CTNNA2: variants seen among roughly 807,000 people sequenced by gnomAD.
CTNNA2 encodes the protein catenin alpha-2.
Under a neutral mutation model 101.0 loss-of-function variants are expected in CTNNA2, and 42 were observed. The observed-to-expected ratio is 0.42, with a 90% CI of 0.32 to 0.54. CTNNA2 has a LOEUF of 0.54. Among genes scored for constraint, CTNNA2 ranks in the 20% least tolerant of loss-of-function variants. The pLI is 0.14. For synonymous variants in CTNNA2, 450 were observed against 456.4 expected (o/e 0.99, Z 0.18); for missense variants, 871 against 1,223.1 (o/e 0.71, Z 4.29).
At chr2:80,099,052 G>A (rs1255249503) in intron 7 of CTNNA2, among the ~76,000 whole-genome samples, 11 of 151,846 alleles carry the variant, frequency 7.2e-5, no homozygotes, top group South Asian at 2.1e-4. Context: ...AGATGAACCC[G>A]GTACCTCAGT....
intron 4 of CTNNA2, among the ~76,000 whole-genome samples, chr2:79,386,450 TC>T (rs1558654871): frequency 6.6e-6 from 1 of 152,178 alleles, no homozygotes; most frequent in East Asian, 1.9e-4. Flanking sequence ...ATTATACTTT[TC>T]CTTCCTCTTA....
chr2:79,409,889 G>A (rs1369805341), intron 4 of CTNNA2, among the ~76,000 whole-genome samples: 3 of 151,902 alleles, frequency 2.0e-5, no homozygotes, highest in Non-Finnish European at 4.4e-5. Context: ...TATTACCTTG[G>A]GCAGTATGGC....
At position 80,026,529 on chromosome 2, in the gene CTNNA2, A is replaced by G. The variant is rs534755978; in HGVS notation, c.1056+116732A>G. Reference sequence around the variant, plus strand: ...CTTGGTGAACAGAGAGGCCTGCAGCAAAAGAGTTAAGAGATACTTTCTACT... The same window carrying G: ...CTTGGTGAACAGAGAGGCCTGCAGCGAAAGAGTTAAGAGATACTTTCTACT... On this transcript the variant is annotated intron_variant, in intron 7 of 18. Transcript: ENST00000402739. Among the ~76,000 whole-genome samples, 91 of 152,328 alleles carry G rather than the reference A, an allele frequency of 6.0e-4. No homozygotes were observed. The South Asian group carries it at 0.017, about 28-fold the overall frequency.
At chr2:80,290,552 AT>A (rs890160761) in intron 7 of CTNNA2, among the ~76,000 whole-genome samples, 1 of 150,928 alleles carries the variant, frequency 6.6e-6, no homozygotes, top group Non-Finnish European at 1.5e-5. Flanking sequence ...TTTCCCAGCC[AT>A]TTTTTTTCAT....
chr2:79,481,710 G>A (rs969139481), intron 4 of CTNNA2, among the ~76,000 whole-genome samples: 1 of 152,138 alleles, frequency 6.6e-6, no homozygotes, highest in African/African-American at 2.4e-5. Context: ...AACTCATCAA[G>A]TTGTATATAT....
chr2:79,921,802 C>A (rs190882368), intron 7 of CTNNA2, among the ~76,000 whole-genome samples: 2 of 152,260 alleles, frequency 1.3e-5, no homozygotes, highest in Non-Finnish European at 2.9e-5. Flanking sequence ...ATTGAGCTTT[C>A]GTTCTAGGTT....
intron 18 of CTNNA2, among the ~76,000 whole-genome samples, chr2:80,620,020 C>T (rs1020346404): frequency 4.0e-5 from 6 of 151,800 alleles, no homozygotes; most frequent in Non-Finnish European, 8.8e-5. Flanking sequence ...CTTCTTTCCT[C>T]GTTCTCTCCT....
chr2:79,814,638 C>CACACACACACACACATATAT (rs145584853), intron 3 of CTNNA2, among the ~76,000 whole-genome samples: 3 of 146,962 alleles, frequency 2.0e-5, no homozygotes, highest in Admixed American at 2.0e-4. Context: ...CACACACACA[C>CACACACACACACACATATAT]ATATATATAT....
intron 7 of CTNNA2, among the ~76,000 whole-genome samples, chr2:80,056,715 A>C (rs920722051): frequency 9.2e-5 from 14 of 152,192 alleles, no homozygotes; most frequent in Non-Finnish European, 1.8e-4. Context: ...TTTAAATGCT[A>C]TGCAAGGTAC....
At chr2:79,880,307 A>G (rs369550047) in intron 6 of CTNNA2, among the ~76,000 whole-genome samples, 14 of 152,116 alleles carry the variant, frequency 9.2e-5, no homozygotes, top group African/African-American at 3.1e-4. Context: ...TCTCAGTTTC[A>G]GTATCAAGAT....
At chr2:80,506,795 G>A (rs1161075196) in intron 9 of CTNNA2, among the ~76,000 whole-genome samples, 2 of 152,156 alleles carry the variant, frequency 1.3e-5, no homozygotes, top group African/African-American at 4.8e-5. Flanking sequence ...CACAGCTTCT[G>A]TACTTGTTTT....
chr2:79,934,525 A>C (rs1045722577), intron 7 of CTNNA2, among the ~76,000 whole-genome samples: 1 of 152,206 alleles, frequency 6.6e-6, no homozygotes, highest in Non-Finnish European at 1.5e-5. Flanking sequence ...TTGAGTTTAC[A>C]CTCAGCTTTC....
chr2:79,810,959 G>C lies in CTNNA2; in HGVS notation c.299-47054G>C, dbSNP rs549389680. Among the ~76,000 whole-genome samples, 867 of 151,476 alleles carry C rather than the reference G, an allele frequency of 5.7e-3. 5 individuals are homozygous for C. The highest frequency in any genetic ancestry group is 0.02 in the African/African-American group (839 of 41,080). On this transcript the variant is annotated intron_variant, in intron 3 of 18. Transcript: ENST00000402739. ...ACATTTGGGTTGGTTCCAAGTCTTT[G>C]CTATTGTGAATAGTGCCGCAATAAA... is the stretch of plus-strand genomic sequence containing the variant.
intron 2 of CTNNA2, among the ~76,000 whole-genome samples, chr2:79,231,715 A>T (rs556647955): frequency 6.6e-6 from 1 of 152,252 alleles, no homozygotes; most frequent in South Asian, 2.1e-4. Context: ...CCATTTATTT[A>T]TGTCATCTCT....
At chr2:79,627,984 TC>T (rs1005640926) in intron 1 of CTNNA2, among the ~76,000 whole-genome samples, 10 of 152,194 alleles carry the variant, frequency 6.6e-5, no homozygotes, top group African/African-American at 2.4e-4. Context: ...GCATATATAT[TC>T]TTTGAATATA....
intron 3 of CTNNA2, among the ~76,000 whole-genome samples, chr2:79,829,524 C>T (rs1448079194): frequency 6.6e-6 from 1 of 150,820 alleles, no homozygotes. Flanking sequence ...GAGCTGAGAT[C>T]GCGCCATTGC....
In CTNNA2 at chr2:80,591,457, G is replaced by GTTTTT. The variant is rs567131551; in HGVS notation, c.2189+1989_2189+1993dup. On this transcript the variant is annotated intron_variant, in intron 15 of 18. Coordinates refer to ENST00000402739, the MANE Select transcript of CTNNA2 (RefSeq NM_001282597.3). ...ATTGCTGCCTCCATCTGCACAGCCT[G>GTTTTT]TTTTTTTTTTTTTTTTTTTTTGCAA... 3.9e-3 allele frequency among the ~76,000 whole-genome samples: 275 copies of GTTTTT among 70,298 alleles called. 33 individuals carry two copies. Among genetic ancestry groups the GTTTTT allele is most frequent in the African/African-American group, 7.0e-3 (153 of 21,920 alleles). 46.1% of individuals were successfully genotyped at this position (70,298 alleles called of 152,430 possible).
chr2:80,466,336 CAG>C (rs1684851558), intron 9 of CTNNA2, among the ~76,000 whole-genome samples: 1 of 152,124 alleles, frequency 6.6e-6, no homozygotes, highest in Non-Finnish European at 1.5e-5. Flanking sequence ...ACCAAGAATA[CAG>C]AGATTGTGTC....
At chr2:79,384,032 G>A (rs1440427954) in intron 4 of CTNNA2, among the ~76,000 whole-genome samples, 2 of 152,132 alleles carry the variant, frequency 1.3e-5, no homozygotes, top group East Asian at 1.9e-4. Flanking sequence ...AAATTGGATG[G>A]TGCTTACAGG....
Sources: gnomAD v4.1 joint callset for allele counts (sites outside exome capture counted in the v4.1 genomes callset) on GRCh38, gnomAD v4.1.1 for gene constraint, MANE v1.5 for transcripts, NCBI Gene and HGNC (gene_info 2026-07-23, HGNC 2026-07-21) for gene names.